The following KRT74 variants were observed in gnomAD, a reference collection of about 807,000 sequenced individuals.
The protein encoded by KRT74 is keratin 74.
KRT74 carries 43 observed loss-of-function variants against 42.7 expected under a neutral mutation model. That is an observed-to-expected ratio of 1.01 (90% CI 0.79 to 1.30). The LOEUF is 1.30. Ranked by LOEUF, KRT74 falls within the 50% of genes most tolerant of loss-of-function variation. The pLI, the probability that KRT74 is intolerant of heterozygous loss-of-function variation, is 0.00. For synonymous variants in KRT74, 302 were observed against 279.0 expected (o/e 1.08, Z -0.82); for missense variants, 736 against 689.1 (o/e 1.07, Z -0.76).
In KRT74 at chr12:52,573,369, G is replaced by A. The variant is rs771938985; in HGVS notation, c.409C>T (p.Arg137Cys). ...VELDPEIQKV[R>C]AQEREQIKVL... is the part of the protein sequence containing the mutation. ...TTGATCTGTTCCCGCTCCTGGGCGC[G>A]CACCTTCTGGATCTCAGGGTCCAGC... is the stretch of plus-strand genomic sequence containing the variant. Residue 137 changes from arginine (R) to cysteine (C), a missense_variant, in exon 1 of 9, where the codon CGC becomes TGC. Transcript: ENST00000305620. The A allele has an allele frequency of 2.0e-5, 33 of 1,614,054 alleles. No individual in the cohort carries two copies. The highest frequency in any genetic ancestry group is 2.7e-5 in the African/African-American group (2 of 74,922).
intron 6 of KRT74, chr12:52,569,441 C>CA (rs1214895290): frequency 3.3e-6 from 2 of 610,692 alleles, no homozygotes; most frequent in African/African-American, 3.7e-5. Context: ...ACACATGTTC[C>CA]ATGTCCAGTG....
chr12:52,571,794 G>A (rs976893988), intron 3 of KRT74, 150 bp downstream of exon 3: 4 of 750,864 alleles, frequency 5.3e-6, no homozygotes, highest in South Asian at 1.4e-5. Flanking sequence ...CAACTCACTG[G>A]AGGCCAGGAC....
intron 8 of KRT74, 105 bp from the exon 9 acceptor site, chr12:52,567,273 T>A: frequency 1.0e-6 from 1 of 963,984 alleles, no homozygotes; most frequent in Non-Finnish European, 1.5e-6. Flanking sequence ...AACACCTCAT[T>A]TAATCCGCAG....
chr12:52,569,814 A>T, intron 6 of KRT74, 45 bp downstream of exon 6: 3 of 1,613,192 alleles, frequency 1.9e-6, no homozygotes, highest in Non-Finnish European at 1.7e-6. Flanking sequence ...CTCATCCCAG[A>T]GCCTGCTGTG....
Position 52,571,339 on chromosome 12 carries a change from G to A in KRT74, c.843+20C>T. On this transcript the variant is annotated intron_variant, in intron 4 of 8. Transcript: ENST00000305620. ...CGGGAAGGAGGCAGGGTGAGGGTGG[G>A]GGGACAGGAGTGTCCTTACTGCATC... 1 of 1,440,266 alleles carries A rather than the reference G, an allele frequency of 6.9e-7. No individual in the cohort carries two copies. The highest frequency in any genetic ancestry group is 1.1e-5 in the South Asian group (1 of 87,540). The allele number at this position is 1,440,266 out of a possible 1,614,324, so 89.2% of individuals were successfully genotyped here.
chr12:52,570,021 A>T (rs754777302), intron 5 of KRT74, 37 bp from the exon 6 acceptor site: 1 of 1,613,022 alleles, frequency 6.2e-7, no homozygotes, highest in Admixed American at 1.7e-5. Flanking sequence ...TGATGAGACA[A>T]GGGCACTGGG....
intron 1 of KRT74, among the ~76,000 whole-genome samples, chr12:52,573,058 T>C (rs574573215): frequency 3.3e-5 from 5 of 152,212 alleles, no homozygotes; most frequent in Non-Finnish European, 7.3e-5. Flanking sequence ...CATCACTTTT[T>C]TGTCAAGGAA....
At chr12:52,571,232 G>A in intron 4 of KRT74, 127 bp downstream of exon 4, 1 of 724,108 alleles carries the variant, frequency 1.4e-6, no homozygotes, top group Admixed American at 2.0e-5. Flanking sequence ...GTCTCCTGGT[G>A]CAGGGTTTTG....
intron 6 of KRT74, 31 bp from the exon 7 acceptor site, chr12:52,568,420 A>G (rs764346859): frequency 8.3e-5 from 133 of 1,609,144 alleles, no homozygotes; most frequent in Non-Finnish European, 1.1e-4. Context: ...AGACCATCAG[A>G]ACAGAAAATT....
chr12:52,567,289 C>A (rs1227288719), intron 8 of KRT74, 121 bp from the exon 9 acceptor site: 7 of 834,976 alleles, frequency 8.4e-6, no homozygotes, highest in Non-Finnish European at 1.3e-5. Flanking sequence ...CGCAGAACCA[C>A]CCTCAGTAGT....
At position 52,571,430 on chromosome 12, in the gene KRT74, T is replaced by G. The variant is rs1939480010; in HGVS notation, c.772A>C (p.Lys258Gln). 6.2e-7 allele frequency: 1 copy of G among 1,613,908 alleles called. No homozygotes were observed. The highest frequency in any genetic ancestry group is 8.5e-7 in the Non-Finnish European group (1 of 1,179,804). Residue 258 changes from lysine to glutamine, a missense_variant, in exon 4 of 9, where the codon AAG (lysine) becomes CAG (glutamine). Lys to Gln is a moderately conservative substitution (Grantham distance 53, BLOSUM62 1). Coordinates refer to ENST00000305620, the MANE Select transcript of KRT74 (RefSeq NM_175053.4). ...TCCACTTTGGCCTGAAGCTCCACCT[T>G]GACTGCGTAGGCTGCATCTGCATCC... ...KKDADAAYAV[K>Q]VELQAKVDSL...
At position 52,572,719 on chromosome 12, in the gene KRT74, C is replaced by T. The variant is rs746686735; in HGVS notation, c.472-52G>A. On this transcript the variant is annotated intron_variant, in intron 1 of 8. Coordinates refer to ENST00000305620, the MANE Select transcript of KRT74 (RefSeq NM_175053.4). ...GAACCACAATGGGTGCAGTCATGCC[C>T]CCTGGACACACACCATTGACTCCCC... 5 of 1,528,276 alleles carry T rather than the reference C, an allele frequency of 3.3e-6. No individual in the cohort carries two copies. In the East Asian group the frequency reaches 6.8e-5, roughly 21 times the overall value. 94.7% of individuals were successfully genotyped at this position (1,528,276 alleles called of 1,614,324 possible). A position where few individuals can be genotyped will look rare whatever the true frequency, so the allele number is the denominator to read the frequency against.
intron 3 of KRT74, among the ~76,000 whole-genome samples, chr12:52,571,690 A>G (rs375796236): frequency 1.3e-5 from 2 of 152,348 alleles, no homozygotes; most frequent in Non-Finnish European, 2.9e-5. Flanking sequence ...TCCTCAGGTC[A>G]CACAGCAAGG....
intron 5 of KRT74, among the ~76,000 whole-genome samples, chr12:52,570,393 C>T (rs531640030): frequency 2.7e-4 from 41 of 152,310 alleles, no homozygotes; most frequent in African/African-American, 9.6e-4. Context: ...GTTTTACCAC[C>T]TCACTTCTTT....
chr12:52,572,283 G>A (rs1213105736), intron 2 of KRT74, among the ~76,000 whole-genome samples, 170 bp downstream of exon 2: 2 of 152,194 alleles, frequency 1.3e-5, no homozygotes, highest in East Asian at 3.9e-4. Flanking sequence ...CAACTAGGCA[G>A]GAAGTTATCA....
At chr12:52,567,201 A>G (rs1346279659) in intron 8 of KRT74, 33 bp from the exon 9 acceptor site, 1 of 1,517,956 alleles carries the variant, frequency 6.6e-7, no homozygotes, top group Non-Finnish European at 8.9e-7. Context: ...AGGGGAGAGG[A>G]GCAGTGTCAA....
chr12:52,572,530 C>G lies in KRT74; in HGVS notation c.609G>C (p.Glu203Asp), dbSNP rs150570631. 6.8e-6 allele frequency: 11 copies of G among 1,614,116 alleles called. No individual in the cohort carries two copies. The African/African-American group carries it at 1.5e-4, about 22-fold the overall frequency. The change falls in exon 2 of 9, where the codon GAG becomes GAC. Residue 203 changes from glutamate to aspartate, a missense_variant. Physicochemically the swap from Glu to Asp is conservative, Grantham distance 45. Transcript: ENST00000305620. ...GYISNLRKQL[E>D]TLSGDRVRLD... ...GCCTCACCCTGTCCCCAGACAGTGT[C>G]TCCAGCTGCTTCCGCAGGTTGCTGA...
At position 52,572,591 on chromosome 12, in the gene KRT74, C is replaced by A. The variant is rs1290640098; in HGVS notation, c.548G>T (p.Cys183Phe). The stretch of plus-strand genomic sequence containing the variant: ...AAGGATGGGCTCCAGGTTCTTCTTG[C>A]AGTTGTTCAGGTCCAGCTGCTGCAG... ...ELLQQLDLNNCKKNLEPILEG... is the reference protein window; with the variant it reads ...ELLQQLDLNNFKKNLEPILEG... Residue 183 changes from cysteine to phenylalanine, a missense_variant, in exon 2 of 9, where the codon TGC becomes TTC. Cys to Phe is a radical substitution (Grantham distance 205). Coordinates refer to ENST00000305620, the MANE Select transcript of KRT74 (RefSeq NM_175053.4). The A allele has an allele frequency of 6.2e-7, 1 of 1,614,200 alleles. No homozygotes were observed.
intron 4 of KRT74, 78 bp downstream of exon 4, chr12:52,571,281 A>G: frequency 1.1e-6 from 1 of 936,558 alleles, no homozygotes. Flanking sequence ...TGTTGATCCT[A>G]AATCTCTCCT....
Sources: allele counts gnomAD v4.1 joint callset (sites outside exome capture counted in the v4.1 genomes callset), GRCh38; gene constraint gnomAD v4.1.1; transcripts MANE v1.5; gene names NCBI Gene and HGNC (gene_info 2026-07-23, HGNC 2026-07-21).